NTSR1: variants seen among roughly 807,000 people sequenced by gnomAD.
NTSR1 encodes the protein neurotensin receptor type 1.
In NTSR1, 29 loss-of-function variants were observed where a neutral mutation model predicts 31.2. The ratio of observed to expected loss-of-function variants is 0.93; its 90% CI spans 0.69 to 1.27. The LOEUF (loss-of-function observed/expected upper bound fraction) is 1.27. Among genes scored for constraint, NTSR1 ranks in the 50% most tolerant of loss-of-function variants. NTSR1 has a pLI of 0.00. For synonymous variants in NTSR1, 282 were observed against 269.9 expected (o/e 1.04, Z -0.44); for missense variants, 697 against 595.4 (o/e 1.17, Z -1.78).
rs879740825 is a variant in NTSR1 at position 62,744,175 on chromosome 20, C to G, written c.715-10510C>G. Among the ~76,000 whole-genome samples the G allele has an allele frequency of 3.3e-5, 5 of 152,328 alleles. No individual in the cohort carries two copies. The highest frequency in any genetic ancestry group is 2.0e-4 in the Admixed American group (3 of 15,304). On this transcript the variant is annotated intron_variant, in intron 1 of 3. Coordinates refer to ENST00000370501, the MANE Select transcript of NTSR1 (RefSeq NM_002531.3). This position sits in a 1 kb window ranked among gnomAD's most constrained non-coding sequence, Gnocchi z 4.1. ...CTCCCAAGCCGCAGTCCTGTGCCCCCCAATTTGCTTCCTTTCCCACACCCA... is the reference window on the plus strand; with the variant it reads ...CTCCCAAGCCGCAGTCCTGTGCCCCGCAATTTGCTTCCTTTCCCACACCCA...
At chr20:62,723,879 C>T (rs1308503015) in intron 1 of NTSR1, among the ~76,000 whole-genome samples, 1 of 152,200 alleles carries the variant, frequency 6.6e-6, no homozygotes, top group Admixed American at 6.5e-5. Flanking sequence ...TTCAGGTGAA[C>T]ACGCTGACCC....
At chr20:62,756,042 C>G (rs1159132056) in intron 2 of NTSR1, among the ~76,000 whole-genome samples, 1 of 151,472 alleles carries the variant, frequency 6.6e-6, no homozygotes, top group Non-Finnish European at 1.5e-5. Flanking sequence ...GAGTGCCCAC[C>G]CTGGGTCTCG....
chr20:62,747,927 GC>G (rs1407955303), intron 1 of NTSR1, among the ~76,000 whole-genome samples: 7 of 152,242 alleles, frequency 4.6e-5, no homozygotes, highest in Admixed American at 1.3e-4. Context: ...TGTAATCCCA[GC>G]AGTTTGGGAG....
rs1989543719 is a variant in NTSR1, at chr20:62,758,078, G to A, written c.917-188G>A. ...GAGCCCACGTCTCTGTGCCTCAGGT[G>A]CAGTGGGTCTCTGAGCCCATGTCTC... On this transcript the variant is annotated intron_variant, in intron 2 of 3. Coordinates refer to ENST00000370501, the MANE Select transcript of NTSR1 (RefSeq NM_002531.3). The surrounding 1 kb of genome is among the most constrained non-coding windows in gnomAD (Gnocchi z 4.5). Among the ~76,000 whole-genome samples the A allele has an allele frequency of 6.9e-6, 1 of 145,728 alleles. No individual in the cohort carries two copies. Among genetic ancestry groups the A allele is most frequent in the Non-Finnish European group, 1.5e-5 (1 of 66,872 alleles).
In NTSR1 at chr20:62,744,699, C is replaced by T. The variant is rs2147144045; in HGVS notation, c.715-9986C>T. 6.6e-6 allele frequency among the ~76,000 whole-genome samples: 1 copy of T among 152,250 alleles called. No homozygotes were observed. The highest frequency in any genetic ancestry group is 1.9e-4 in the East Asian group (1 of 5,182). ...CAGAAATCGCGCCACTGCACTCCAG[C>T]CTGGGCAACAAGAGCAAAGCTCAGT... On this transcript the variant is annotated intron_variant, in intron 1 of 3. Coordinates refer to ENST00000370501, the MANE Select transcript of NTSR1 (RefSeq NM_002531.3). The surrounding 1 kb of genome is among the most constrained non-coding windows in gnomAD (Gnocchi z 4.1).
At chr20:62,749,443 C>T (rs951180328) in intron 1 of NTSR1, among the ~76,000 whole-genome samples, 8 of 152,130 alleles carry the variant, frequency 5.3e-5, no homozygotes, top group African/African-American at 1.7e-4. Context: ...TAGGAGAAAA[C>T]ATAGAAGAAA....
intron 1 of NTSR1, among the ~76,000 whole-genome samples, chr20:62,747,080 G>C (rs1989313108): frequency 6.6e-6 from 1 of 152,252 alleles, no homozygotes; most frequent in African/African-American, 2.4e-5. Context: ...TGGAAACACA[G>C]TTCAGCACAT....
rs1039973635 is a variant in NTSR1, at chr20:62,715,465, G to A, written c.714+5544G>A. ...CTAGCCTGACCCTGTGGTGCTCCCC[G>A]TGGGGACAACGGTCAGGCTTTTGAG... On this transcript the variant is annotated intron_variant, in intron 1 of 3. Coordinates refer to ENST00000370501, the MANE Select transcript of NTSR1 (RefSeq NM_002531.3). The surrounding 1 kb of genome is among the most constrained non-coding windows in gnomAD (Gnocchi z 4.7). Among the ~76,000 whole-genome samples the A allele has an allele frequency of 3.3e-5, 5 of 152,238 alleles. No individual in the cohort carries two copies. The East Asian group carries it at 5.8e-4, about 18-fold the overall frequency.
intron 1 of NTSR1, among the ~76,000 whole-genome samples, chr20:62,729,064 C>T (rs1251424543): frequency 2.9e-4 from 44 of 152,206 alleles, no homozygotes; most frequent in Non-Finnish European, 2.9e-5. Flanking sequence ...CTGAGGGGCT[C>T]GTGCCCTGCA....
At chr20:62,739,616 A>G (rs1190876557) in intron 1 of NTSR1, among the ~76,000 whole-genome samples, 1 of 152,218 alleles carries the variant, frequency 6.6e-6, no homozygotes, top group Non-Finnish European at 1.5e-5. Context: ...CTGTGTGTTC[A>G]CCATAATCAG....
At chr20:62,735,529 G>A (rs1464986426) in intron 1 of NTSR1, among the ~76,000 whole-genome samples, 2 of 152,352 alleles carry the variant, frequency 1.3e-5, no homozygotes, top group East Asian at 1.9e-4. Flanking sequence ...CAGATGAGCC[G>A]ATTATGTCTT....
chr20:62,750,690 C>CAA (rs59850535), intron 1 of NTSR1, among the ~76,000 whole-genome samples: 246 of 54,126 alleles, frequency 4.5e-3, no homozygotes, highest in Middle Eastern at 9.8e-3. Context: ...GACTCCGTCT[C>CAA]AAAAAAAAAA....
Position 62,728,372 on chromosome 20 carries a change from C to T in NTSR1, c.714+18451C>T, listed in dbSNP as rs547311060. On this transcript the variant is annotated intron_variant, in intron 1 of 3. Coordinates refer to ENST00000370501, the MANE Select transcript of NTSR1 (RefSeq NM_002531.3). ...GGTCAGTGTGTGCGGCAGCCCCACCCTGAGGAGGGGGTGGAGCTGGGTGGG... is the reference window on the plus strand; with the variant it reads ...GGTCAGTGTGTGCGGCAGCCCCACCTTGAGGAGGGGGTGGAGCTGGGTGGG... Among the ~76,000 whole-genome samples, 3 of 152,288 alleles carry T rather than the reference C, an allele frequency of 2.0e-5. No homozygotes were observed. In the South Asian group the frequency reaches 6.2e-4, roughly 32 times the overall value.
chr20:62,729,835 C>T (rs1452983135), intron 1 of NTSR1, among the ~76,000 whole-genome samples: 3 of 152,068 alleles, frequency 2.0e-5, no homozygotes, highest in African/African-American at 7.2e-5. Context: ...GTTGTCCAGG[C>T]TGGTCTCAAA....
At position 62,754,916 on chromosome 20, in the gene NTSR1, G is replaced by A. The variant is rs898149318; in HGVS notation, c.916+30G>A. 7 of 1,553,342 alleles carry A rather than the reference G, an allele frequency of 4.5e-6. No individual in the cohort carries two copies. In the African/African-American group the frequency reaches 6.8e-5, roughly 15 times the overall value. ...GTAACCTCTGGGCCCTCCAGGGGCG[G>A]GAGGCAGGCCAGGGCTAGCAAAGGC... On this transcript the variant is annotated intron_variant, in intron 2 of 3. Transcript: ENST00000370501.
chr20:62,746,320 G>C (rs1463240007), intron 1 of NTSR1, among the ~76,000 whole-genome samples: 1 of 152,212 alleles, frequency 6.6e-6, no homozygotes, highest in East Asian at 1.9e-4. Flanking sequence ...TCCAAGCAGA[G>C]GCCTTCCCGG....
chr20:62,753,237 G>C (rs949248352), intron 1 of NTSR1, among the ~76,000 whole-genome samples: 1 of 152,238 alleles, frequency 6.6e-6, no homozygotes, highest in African/African-American at 2.4e-5. Context: ...GGTGCCCAGA[G>C]GGGGCCAGGG....
chr20:62,710,629 C>T (rs943107639), intron 1 of NTSR1, among the ~76,000 whole-genome samples: 3 of 152,108 alleles, frequency 2.0e-5, no homozygotes, highest in Middle Eastern at 3.2e-3. Context: ...AAACTGGAGC[C>T]GAGTGACTAA....
rs1988625441 is a variant in NTSR1 at position 62,711,991 on chromosome 20, T to C, written c.714+2070T>C. 6.6e-6 allele frequency among the ~76,000 whole-genome samples: 1 copy of C among 152,146 alleles called. No homozygotes were observed. The highest frequency in any genetic ancestry group is 6.5e-5 in the Admixed American group (1 of 15,288). ...CTGAAGGCACCCTTGGAGAACGTAG[T>C]TTCCATTTTTCTTTAAAGGGCTCAG... On this transcript the variant is annotated intron_variant, in intron 1 of 3. Transcript: ENST00000370501. The surrounding 1 kb of genome is among the most constrained non-coding windows in gnomAD (Gnocchi z 6.4).
Sources: allele counts gnomAD v4.1 joint callset (sites outside exome capture counted in the v4.1 genomes callset), GRCh38; gene constraint gnomAD v4.1.1; non-coding constraint Gnocchi (gnomAD v3.1); transcripts MANE v1.5; gene names NCBI Gene and HGNC (gene_info 2026-07-23, HGNC 2026-07-21).